ZNF341: variants seen among roughly 807,000 people sequenced by gnomAD.
ZNF341 encodes zinc finger protein 341.
Under a neutral mutation model 87.7 loss-of-function variants are expected in ZNF341, and 52 were observed. The observed-to-expected ratio is 0.59, with a 90% CI of 0.47 to 0.75. The LOEUF is 0.75. Among genes scored for constraint, ZNF341 ranks in the 30% least tolerant of loss-of-function variants. The pLI is 0.00. For missense variants in ZNF341, 977 were observed against 1,145.9 expected (o/e 0.85, Z 2.13); for synonymous variants, 459 against 472.7 (o/e 0.97, Z 0.38).
At chr20:33,754,820 C>T (rs966371059) in intron 5 of ZNF341, among the ~76,000 whole-genome samples, 10 of 152,140 alleles carry the variant, frequency 6.6e-5, no homozygotes, top group African/African-American at 9.7e-5. Flanking sequence ...CCTCAGTCTG[C>T]GCTCCTCTAA....
chr20:33,752,560 T>C (rs530160762), intron 4 of ZNF341: 17 of 399,818 alleles, frequency 4.3e-5, no homozygotes, highest in African/African-American at 2.1e-4. Context: ...GGGTCCAAGA[T>C]GGAAAGGGAA....
intron 2 of ZNF341, among the ~76,000 whole-genome samples, chr20:33,742,409 C>G (rs2018820437): frequency 6.6e-6 from 1 of 152,122 alleles, no homozygotes; most frequent in African/African-American, 2.4e-5. Context: ...GTTGGTCAGG[C>G]TGGTCTCAAA....
At chr20:33,780,521 A>G (rs1428222112) in intron 10 of ZNF341, among the ~76,000 whole-genome samples, 2 of 151,072 alleles carry the variant, frequency 1.3e-5, no homozygotes, top group African/African-American at 2.4e-5. Flanking sequence ...GATTCTCCTG[A>G]CTCAGTCTCC....
rs1568942777 is a variant in ZNF341 at position 33,757,330 on chromosome 20, G to C, written c.924G>C (p.Arg308Ser). Residue 308 changes from arginine to serine, a missense_variant, in exon 6 of 15, where the codon AGG (arginine) becomes AGC (serine). Physicochemically the swap from Arg to Ser is moderately radical, Grantham distance 110. Transcript: ENST00000375200. Reference sequence around the variant, plus strand: ...AGACCCGACGAGCTAAAGGTGCCAGGGGACTCCCGGAAGGTGGGCCCCCAG... The same window carrying C: ...AGACCCGACGAGCTAAAGGTGCCAGCGGACTCCCGGAAGGTGGGCCCCCAG... ...TLKTRRAKGARGLPEAAGKPK... is the reference protein window; with the variant it reads ...TLKTRRAKGASGLPEAAGKPK... 1 of 1,546,976 alleles carries C rather than the reference G, an allele frequency of 6.5e-7. No individual in the cohort carries two copies. The highest frequency in any genetic ancestry group is 8.7e-7 in the Non-Finnish European group (1 of 1,146,572).
chr20:33,791,080 A>G lies in ZNF341; in HGVS notation c.2128A>G (p.Lys710Glu). ...TCAGCGCGCCCACACGGGCAACTAC[A>G]AGTTCCGCTGTGCTGGCTGCGCCAA... ...EHQRAHTGNYKFRCAGCAKGF... is the reference protein window; with the variant it reads ...EHQRAHTGNYEFRCAGCAKGF... The change falls in exon 15 of 15, where the codon AAG becomes GAG. Residue 710 changes from lysine to glutamate, a missense_variant. Physicochemically the swap from Lys to Glu is moderately conservative, Grantham distance 56 (BLOSUM62 1). This residue lies in a region of ZNF341 where 221 missense variants were observed against 212.7 expected (regional missense o/e 1.04). Transcript: ENST00000375200. The G allele has an allele frequency of 6.2e-7, 1 of 1,613,244 alleles. No individual in the cohort carries two copies. The highest frequency in any genetic ancestry group is 8.5e-7 in the Non-Finnish European group (1 of 1,180,002).
At chr20:33,751,107 A>G (rs1456167037) in intron 4 of ZNF341, among the ~76,000 whole-genome samples, 2 of 152,110 alleles carry the variant, frequency 1.3e-5, no homozygotes, top group African/African-American at 4.8e-5. Flanking sequence ...AAAGGATTCC[A>G]CCATATGGAT....
intron 12 of ZNF341, among the ~76,000 whole-genome samples, chr20:33,784,565 G>A (rs544310804): frequency 2.4e-4 from 34 of 144,222 alleles, no homozygotes; most frequent in South Asian, 4.5e-4. Flanking sequence ...TCCCACCACC[G>A]CTAAAGCAGA....
intron 9 of ZNF341, 120 bp downstream of exon 9, chr20:33,767,161 C>G: frequency 1.7e-6 from 2 of 1,171,694 alleles, no homozygotes; most frequent in Non-Finnish European, 2.4e-6. Context: ...TTCCACGGCT[C>G]TATTCCCCCC....
intron 7 of ZNF341, 108 bp downstream of exon 7, chr20:33,758,914 C>A: frequency 1.1e-6 from 1 of 938,904 alleles, no homozygotes; most frequent in Non-Finnish European, 1.7e-6. Flanking sequence ...GTGACCCAGG[C>A]TGCACTTGCA....
intron 11 of ZNF341, 107 bp downstream of exon 11, chr20:33,781,494 C>A: frequency 2.0e-6 from 2 of 995,458 alleles, no homozygotes; most frequent in Non-Finnish European, 3.1e-6. Context: ...CCATAGGACA[C>A]GCAGGCAGGG....
chr20:33,783,104 A>C (rs2019776718), intron 11 of ZNF341, among the ~76,000 whole-genome samples: 1 of 152,204 alleles, frequency 6.6e-6, no homozygotes, highest in Admixed American at 6.5e-5. Context: ...CAGTGAGCCA[A>C]GATTGCACCA....
intron 4 of ZNF341, among the ~76,000 whole-genome samples, chr20:33,750,468 T>C (rs6059451): frequency 2.0e-4 from 31 of 152,158 alleles, no homozygotes; most frequent in Non-Finnish European, 3.8e-4. Context: ...ATCAGCATCA[T>C]GTTTTTATTT....
In ZNF341 at chr20:33,791,447, A is replaced by G; in HGVS notation, c.2495A>G (p.Glu832Gly). The change falls in exon 15 of 15, where the codon GAG becomes GGG. Residue 832 changes from glutamate (E) to glycine (G), a missense_variant. Glu to Gly is a moderately conservative substitution (Grantham distance 98). This residue lies in a region of ZNF341 where 221 missense variants were observed against 212.7 expected (regional missense o/e 1.04). Coordinates refer to ENST00000375200, the MANE Select transcript of ZNF341 (RefSeq NM_001282933.2). ...EGLGSNLALA[E>G]LQAGAEGPCA... ...CTGGGCTCCAACCTGGCTCTGGCGGAGCTGCAGGCTGGGGCCGAGGGCCCA... is the reference window on the plus strand; with the variant it reads ...CTGGGCTCCAACCTGGCTCTGGCGGGGCTGCAGGCTGGGGCCGAGGGCCCA... The G allele has an allele frequency of 6.2e-7, 1 of 1,608,848 alleles. No individual in the cohort carries two copies. Among genetic ancestry groups the G allele is most frequent in the South Asian group, 1.1e-5 (1 of 90,856 alleles).
intron 1 of ZNF341, among the ~76,000 whole-genome samples, chr20:33,740,150 C>A (rs1489943231): frequency 6.6e-6 from 1 of 152,192 alleles, no homozygotes; most frequent in African/African-American, 2.4e-5. Context: ...AGGCGTGAGC[C>A]ACTGCGCCTG....
Position 33,791,068 on chromosome 20 carries a change from A to C in ZNF341, c.2116A>C (p.Thr706Pro), listed in dbSNP as rs1298650898. The C allele has an allele frequency of 1.2e-6, 2 of 1,613,334 alleles. No homozygotes were observed. Among genetic ancestry groups the C allele is most frequent in the Non-Finnish European group, 1.7e-6 (2 of 1,180,012 alleles). ...CCTCGCCGAGCATCAGCGCGCCCAC[A>C]CGGGCAACTACAAGTTCCGCTGTGC... Reference protein sequence around the residue: ...AHLAEHQRAHTGNYKFRCAGC... With the variant: ...AHLAEHQRAHPGNYKFRCAGC... The change falls in exon 15 of 15, where the codon ACG becomes CCG. Residue 706 changes from threonine to proline, a missense_variant. Thr to Pro is a conservative substitution (Grantham distance 38, BLOSUM62 -1). This residue lies in a region of ZNF341 where 241 missense variants were observed against 335.0 expected (regional missense o/e 0.72). Transcript: ENST00000375200.
At chr20:33,785,385 C>G (rs760463550) in intron 12 of ZNF341, among the ~76,000 whole-genome samples, 8 of 152,194 alleles carry the variant, frequency 5.3e-5, no homozygotes, top group Middle Eastern at 3.4e-3. Context: ...CTCTGTCACC[C>G]AGGCTGGAGT....
Position 33,781,404 on chromosome 20 carries a change from T to G in ZNF341, c.1719+17T>G, listed in dbSNP as rs1404803306. 1 of 1,611,054 alleles carries G rather than the reference T, an allele frequency of 6.2e-7. No homozygotes were observed. The highest frequency in any genetic ancestry group is 1.7e-5 in the Admixed American group (1 of 60,018). ...TGCCAGAAGGTGGGTGCCACTGTCC[T>G]CTTTTCTGGGGCCTAGGCTATAATA... is the stretch of plus-strand genomic sequence containing the variant. On this transcript the variant is annotated intron_variant, in intron 11 of 14. Coordinates refer to ENST00000375200, the MANE Select transcript of ZNF341 (RefSeq NM_001282933.2).
rs1331685046 is a variant in ZNF341, at chr20:33,754,385, C to T, written c.741+962C>T. 2.6e-5 allele frequency among the ~76,000 whole-genome samples: 4 copies of T among 152,286 alleles called. No homozygotes were observed. In the East Asian group the frequency reaches 7.7e-4, roughly 29 times the overall value. On this transcript the variant is annotated intron_variant, in intron 5 of 14. Coordinates refer to ENST00000375200, the MANE Select transcript of ZNF341 (RefSeq NM_001282933.2). ...GTATGGTTATGACAGAAACAACCCA[C>T]CTGCACTAGAAATCACACTAACTCA...
intron 3 of ZNF341, 75 bp downstream of exon 3, chr20:33,745,374 G>A: frequency 1.4e-6 from 2 of 1,457,232 alleles, no homozygotes; most frequent in African/African-American, 1.4e-5. Context: ...TGGGCACTGG[G>A]GCTATAGCAA....
Sources: allele counts gnomAD v4.1 joint callset (sites outside exome capture counted in the v4.1 genomes callset), GRCh38; gene constraint gnomAD v4.1.1; regional missense constraint gnomAD v4.1.1; transcripts MANE v1.5; gene names NCBI Gene and HGNC (gene_info 2026-07-23, HGNC 2026-07-21).